Variants in EYS observed in about 807,000 individuals in gnomAD.
EYS encodes EGF-like photoreceptor maintenance factor, also known as protein eyes shut homolog.
EYS carries 250 observed loss-of-function variants against 282.1 expected under a neutral mutation model. The observed-to-expected ratio is 0.89, with a 90% confidence interval of 0.80 to 0.98. The LOEUF is 0.98. Among genes scored for constraint, EYS ranks in the 50% least tolerant of loss-of-function variants. The probability of loss-of-function intolerance (pLI) is 0.00; values close to 1 mark genes in which losing one functional copy is unlikely to be tolerated. For missense variants in EYS, 4,016 were observed against 3,709.0 expected (o/e 1.08, Z -2.15); for synonymous variants, 1,355 against 1,282.9 (o/e 1.06, Z -1.20).
chr6:64,611,319 C>A (rs997867074), intron 24 of EYS, among the ~76,000 whole-genome samples: 8 of 152,142 alleles, frequency 5.3e-5, no homozygotes, highest in African/African-American at 1.7e-4. Context: ...TTTAGAGATA[C>A]CTTTCTAATC....
rs556130194 is a variant in EYS, at chr6:64,549,614, G to A, written c.5644+40609C>T. Among the ~76,000 whole-genome samples the A allele has an allele frequency of 2.6e-5, 4 of 151,836 alleles. No individual in the cohort carries two copies. The South Asian group carries it at 8.3e-4, about 32-fold the overall frequency. On this transcript the variant is annotated intron_variant, in intron 26 of 42. Transcript: ENST00000503581. ...TTATTTCCTTCTCCTCTGGTTTTAT[G>A]GTTAAATTAATGAAAAATAAAACTT...
At chr6:64,918,889 GA>G (rs1393654005) in intron 15 of EYS, among the ~76,000 whole-genome samples, 1 of 152,082 alleles carries the variant, frequency 6.6e-6, no homozygotes, top group East Asian at 1.9e-4. Flanking sequence ...TGGAGCTCTA[GA>G]AAAACCAAGG....
chr6:65,436,294 A>G (rs867464889), intron 5 of EYS, among the ~76,000 whole-genome samples: 1 of 152,130 alleles, frequency 6.6e-6, no homozygotes, highest in Admixed American at 6.6e-5. Flanking sequence ...GACAATGGCT[A>G]CTTACTAACA....
intron 15 of EYS, among the ~76,000 whole-genome samples, chr6:64,927,052 T>A (rs1054562025): frequency 6.6e-6 from 1 of 152,230 alleles, no homozygotes; most frequent in African/African-American, 2.4e-5. Context: ...CATGTCTTGA[T>A]GTATGGCTTT....
At chr6:64,535,129 ATT>A (rs1343817898) in intron 26 of EYS, among the ~76,000 whole-genome samples, 1 of 152,060 alleles carries the variant, frequency 6.6e-6, no homozygotes, top group Non-Finnish European at 1.5e-5. Flanking sequence ...GTGAGTTGGC[ATT>A]TTTAGTCTCC....
At chr6:64,393,660 C>A (rs1212095464) in intron 28 of EYS, among the ~76,000 whole-genome samples, 2 of 151,440 alleles carry the variant, frequency 1.3e-5, no homozygotes, top group East Asian at 1.9e-4. Context: ...CTATGACAAA[C>A]CCACAGCCAA....
chr6:63,807,633 A>T (rs1435559379), intron 36 of EYS, among the ~76,000 whole-genome samples: 2 of 152,144 alleles, frequency 1.3e-5, no homozygotes, highest in African/African-American at 4.8e-5. Context: ...CTTTGTTTTG[A>T]TATTTTATTA....
intron 12 of EYS, among the ~76,000 whole-genome samples, chr6:65,164,448 C>T (rs1581971545): frequency 6.6e-6 from 1 of 151,206 alleles, no homozygotes; most frequent in East Asian, 2.0e-4. Flanking sequence ...TTACTGTACA[C>T]TTTCCTTTTC....
At chr6:65,322,823 A>G (rs1480761282) in intron 11 of EYS, among the ~76,000 whole-genome samples, 2 of 149,884 alleles carry the variant, frequency 1.3e-5, no homozygotes, top group Non-Finnish European at 3.0e-5. Context: ...AGAAAAAAGA[A>G]AAAAGTCCAG....
intron 30 of EYS, among the ~76,000 whole-genome samples, chr6:64,235,655 G>C (rs1406300433): frequency 6.6e-6 from 1 of 152,230 alleles, no homozygotes; most frequent in East Asian, 1.9e-4. Flanking sequence ...GATCCCTGAG[G>C]AATCGCCACA....
intron 29 of EYS, 87 bp downstream of exon 29, chr6:64,388,603 C>T: frequency 7.8e-7 from 1 of 1,276,150 alleles, no homozygotes; most frequent in Non-Finnish European, 1.0e-6. Flanking sequence ...GAAAATATTT[C>T]TAAAGTTTTT....
rs555467877 is a variant in EYS at position 64,760,438 on chromosome 6, C to G, written c.3443+52940G>C. Among the ~76,000 whole-genome samples the G allele has an allele frequency of 1.1e-4, 17 of 152,214 alleles. 1 individual carries two copies. The highest frequency in any genetic ancestry group is 4.1e-4 in the African/African-American group (17 of 41,552). On this transcript the variant is annotated intron_variant, in intron 22 of 42. Coordinates refer to ENST00000503581, the MANE Select transcript of EYS (RefSeq NM_001142800.2). Reference sequence around the variant, plus strand: ...GTTGATACTTTCTACATCATAGCTTCTGATGTAACGCTGCCATAGAGTAAA... The same window carrying G: ...GTTGATACTTTCTACATCATAGCTTGTGATGTAACGCTGCCATAGAGTAAA...
At chr6:65,629,103 G>A (rs929238473) in intron 2 of EYS, among the ~76,000 whole-genome samples, 2 of 152,164 alleles carry the variant, frequency 1.3e-5, no homozygotes, top group Non-Finnish European at 2.9e-5. Flanking sequence ...AGTAGTTTAA[G>A]ATGATGCTCA....
At position 65,003,375 on chromosome 6, in the gene EYS, G is replaced by C. The variant is rs1038171048; in HGVS notation, c.2138-5672C>G. ...CTGCCTAATAAATTTTGGTCAGACC[G>C]GTTGCTCTCAAAACCCTGTCTCCTG... On this transcript the variant is annotated intron_variant, in intron 13 of 42. Transcript: ENST00000503581. Among the ~76,000 whole-genome samples, 11 of 146,618 alleles carry C rather than the reference G, an allele frequency of 7.5e-5. 1 individual carries two copies. Among genetic ancestry groups the C allele is most frequent in the Admixed American group, 5.4e-4 (8 of 14,744 alleles).
At chr6:64,029,070 A>G (rs1769683942) in intron 33 of EYS, among the ~76,000 whole-genome samples, 1 of 152,172 alleles carries the variant, frequency 6.6e-6, no homozygotes, top group Non-Finnish European at 1.5e-5. Flanking sequence ...CTATACACTA[A>G]TCAAGGAAAC....
At chr6:65,482,914 C>A (rs192680642) in intron 5 of EYS, among the ~76,000 whole-genome samples, 32 of 152,276 alleles carry the variant, frequency 2.1e-4, no homozygotes, top group Admixed American at 3.9e-4. Context: ...CCTGTTTCTA[C>A]ATCAAATTCA....
intron 13 of EYS, among the ~76,000 whole-genome samples, chr6:65,015,708 C>T (rs75569133): frequency 0.02 from 3,096 of 151,570 alleles, 33 homozygotes; most frequent in Non-Finnish European, 0.035. Flanking sequence ...ATGATGTCAT[C>T]AATTCAGAAA....
At chr6:65,705,740 T>C (rs946646776) in intron 1 of EYS, among the ~76,000 whole-genome samples, 1 of 152,184 alleles carries the variant, frequency 6.6e-6, no homozygotes, top group African/African-American at 2.4e-5. Flanking sequence ...ATTAAATCAA[T>C]ATCAATGCCC....
At chr6:65,295,824 T>G (rs1162123895) in intron 12 of EYS, 39 bp downstream of exon 12, 26 of 1,447,994 alleles carry the variant, frequency 1.8e-5, no homozygotes, top group Non-Finnish European at 9.3e-7. Context: ...CAACATTATT[T>G]ACTAGAAAAT....
Sources: allele counts gnomAD v4.1 joint callset (sites outside exome capture counted in the v4.1 genomes callset), GRCh38; gene constraint gnomAD v4.1.1; transcripts MANE v1.5; gene names NCBI Gene and HGNC (gene_info 2026-07-23, HGNC 2026-07-21).